Variants in IMMP2L observed in about 807,000 individuals in gnomAD.
IMMP2L encodes inner mitochondrial membrane peptidase subunit 2.
Under a neutral mutation model 19.3 loss-of-function variants are expected in IMMP2L, and 18 were observed. The observed-to-expected ratio is 0.93, with a 90% CI of 0.64 to 1.38. The LOEUF (loss-of-function observed/expected upper bound fraction) is 1.38, where lower values mean the gene tolerates loss of function less well. IMMP2L is among the 40% of genes most tolerant of loss of function. The pLI, the probability that IMMP2L is intolerant of heterozygous loss-of-function variation, is 0.00. For synonymous variants in IMMP2L, 76 were observed against 73.0 expected (o/e 1.04, Z -0.21); for missense variants, 233 against 218.2 (o/e 1.07, Z -0.43).
chr7:110,849,362 C>T (rs751739350), intron 5 of IMMP2L, among the ~76,000 whole-genome samples: 8 of 152,046 alleles, frequency 5.3e-5, no homozygotes, highest in Admixed American at 4.6e-4. Context: ...TCTGTCTGTA[C>T]TTTTAAAACA....
At chr7:111,477,822 C>G (rs1841844536) in intron 3 of IMMP2L, among the ~76,000 whole-genome samples, 1 of 152,058 alleles carries the variant, frequency 6.6e-6, no homozygotes, top group South Asian at 2.1e-4. Flanking sequence ...CGCTTGAACA[C>G]TGGAGGTGGA....
intron 5 of IMMP2L, among the ~76,000 whole-genome samples, chr7:110,846,057 G>A (rs958816455): frequency 6.6e-6 from 1 of 152,130 alleles, no homozygotes. Flanking sequence ...TTTTGTTATA[G>A]TAGCCCAAAT....
intron 3 of IMMP2L, among the ~76,000 whole-genome samples, chr7:111,392,347 G>A (rs1832442025): frequency 6.6e-6 from 1 of 152,146 alleles, no homozygotes; most frequent in Non-Finnish European, 1.5e-5. Flanking sequence ...CCAGGGCCAA[G>A]AATTTATAGA....
Position 111,500,789 on chromosome 7 carries a change from A to G in IMMP2L, c.136-13448T>C, listed in dbSNP as rs536302746. Among the ~76,000 whole-genome samples, 3 of 152,268 alleles carry G rather than the reference A, an allele frequency of 2.0e-5. 1 individual carries two copies. The South Asian group carries it at 6.2e-4, about 32-fold the overall frequency. On this transcript the variant is annotated intron_variant, in intron 2 of 5. Coordinates refer to ENST00000405709, the MANE Select transcript of IMMP2L (RefSeq NM_032549.4). Reference sequence around the variant, plus strand: ...TGTCTGTTAGAAGGAAAACTAACAAACAGAAAGGACATCCACACCAAAAAC... The same window carrying G: ...TGTCTGTTAGAAGGAAAACTAACAAGCAGAAAGGACATCCACACCAAAAAC...
At chr7:111,283,084 AC>A (rs1240888631) in intron 3 of IMMP2L, among the ~76,000 whole-genome samples, 10 of 152,184 alleles carry the variant, frequency 6.6e-5, no homozygotes, top group Non-Finnish European at 1.5e-4. Flanking sequence ...CCATAAAAAA[AC>A]CTCAATGAAT....
At chr7:111,097,639 A>C (rs1011215492) in intron 3 of IMMP2L, among the ~76,000 whole-genome samples, 3 of 151,944 alleles carry the variant, frequency 2.0e-5, no homozygotes, top group African/African-American at 7.2e-5. Context: ...CATACAATTC[A>C]TGTTTTTATG....
At chr7:110,776,544 C>T (rs2131053953) in intron 5 of IMMP2L, among the ~76,000 whole-genome samples, 1 of 152,022 alleles carries the variant, frequency 6.6e-6, no homozygotes, top group Admixed American at 6.6e-5. Context: ...GTGAAGTTTT[C>T]CTTAAAGCTA....
intron 4 of IMMP2L, among the ~76,000 whole-genome samples, chr7:110,908,645 C>G (rs1466906314): frequency 1.3e-5 from 2 of 152,168 alleles, no homozygotes; most frequent in African/African-American, 2.4e-5. Flanking sequence ...TTTGACTAAA[C>G]AGATAACTAT....
chr7:110,998,625 G>C (rs190011025), intron 3 of IMMP2L, among the ~76,000 whole-genome samples: 1 of 152,118 alleles, frequency 6.6e-6, no homozygotes, highest in South Asian at 2.1e-4. Flanking sequence ...TTCAAACATG[G>C]CATCCCTCAC....
Position 110,663,470 on chromosome 7 carries a change from T to C in IMMP2L, c.*132A>G. The C allele has an allele frequency of 2.8e-6, 2 of 722,932 alleles. No homozygotes were observed. The highest frequency in any genetic ancestry group is 2.3e-6 in the Non-Finnish European group (1 of 428,718). The allele number at this position is 722,932 out of a possible 1,614,324, so 44.8% of individuals were successfully genotyped here. On this transcript the variant is annotated 3_prime_UTR_variant, in exon 6 of 6. Transcript: ENST00000405709. ...ATTATTTATTTAATAATACAGATCG[T>C]TTTAATGTGCTGTAAATATTTCTCG...
chr7:110,777,370 T>C (rs914675625), intron 5 of IMMP2L, among the ~76,000 whole-genome samples: 3 of 151,980 alleles, frequency 2.0e-5, no homozygotes, highest in African/African-American at 4.8e-5. Flanking sequence ...TTTGTAGCAA[T>C]ATTAATAAGC....
chr7:111,551,495 GGT>G (rs60697579), intron 1 of IMMP2L, among the ~76,000 whole-genome samples: 70,485 of 145,108 alleles, frequency 0.49, 17,465 homozygotes, highest in Non-Finnish European at 0.57. Context: ...GACTGTTAGA[GGT>G]GTGTGTGTGT....
intron 3 of IMMP2L, among the ~76,000 whole-genome samples, chr7:111,400,431 A>G (rs539144847): frequency 2.0e-5 from 3 of 152,236 alleles, no homozygotes; most frequent in Admixed American, 2.0e-4. Context: ...CTGTATCCCC[A>G]GAAACCAATT....
chr7:111,129,753 G>A (rs926482862), intron 3 of IMMP2L, among the ~76,000 whole-genome samples: 1 of 152,106 alleles, frequency 6.6e-6, no homozygotes, highest in Non-Finnish European at 1.5e-5. Context: ...GGACTTGAGT[G>A]TTAAGAGTGA....
chr7:111,415,653 T>C (rs928761884), intron 3 of IMMP2L, among the ~76,000 whole-genome samples: 3 of 151,782 alleles, frequency 2.0e-5, no homozygotes, highest in Non-Finnish European at 4.4e-5. Context: ...ATTTGATATT[T>C]TGAAAAGCCA....
chr7:111,330,670 T>C (rs995048874), intron 3 of IMMP2L, among the ~76,000 whole-genome samples: 1 of 151,800 alleles, frequency 6.6e-6, no homozygotes, highest in African/African-American at 2.4e-5. Context: ...AAAAATAAGA[T>C]TCATATCCAA....
chr7:111,220,764 GT>G (rs1224143750), intron 3 of IMMP2L, among the ~76,000 whole-genome samples: 2 of 152,020 alleles, frequency 1.3e-5, no homozygotes, highest in Non-Finnish European at 2.9e-5. Flanking sequence ...AGGAAAGACA[GT>G]GATGTAGTCT....
intron 5 of IMMP2L, among the ~76,000 whole-genome samples, chr7:110,665,230 A>C (rs1345856122): frequency 6.6e-6 from 1 of 152,188 alleles, no homozygotes; most frequent in Non-Finnish European, 1.5e-5. Flanking sequence ...CATCAAAAGT[A>C]AGCATTTACA....
At chr7:111,046,478 T>A (rs1016895636) in intron 3 of IMMP2L, among the ~76,000 whole-genome samples, 2 of 151,958 alleles carry the variant, frequency 1.3e-5, no homozygotes, top group African/African-American at 4.8e-5. Context: ...TAGAAAAGTA[T>A]ACACTGAAAG....
Sources: gnomAD v4.1 joint callset for allele counts (sites outside exome capture counted in the v4.1 genomes callset) on GRCh38, gnomAD v4.1.1 for gene constraint, MANE v1.5 for transcripts, NCBI Gene and HGNC (gene_info 2026-07-23, HGNC 2026-07-21) for gene names.